The following CDH12 variants were observed in gnomAD, a reference collection of about 807,000 sequenced individuals.
CDH12 encodes cadherin-12.
A neutral mutation model predicts 74.1 loss-of-function variants in CDH12; 41 were observed. The observed-to-expected ratio is 0.55, with a 90% CI of 0.43 to 0.72. The LOEUF is 0.72. CDH12 is among the 30% of genes least tolerant of loss of function. The pLI is 0.00. For missense variants in CDH12, 945 were observed against 977.2 expected (o/e 0.97, Z 0.44); for synonymous variants, 399 against 355.0 (o/e 1.12, Z -1.39).
chr5:21,838,434 C>T (rs1217761363), intron 8 of CDH12, among the ~76,000 whole-genome samples: 1 of 152,090 alleles, frequency 6.6e-6, no homozygotes, highest in East Asian at 1.9e-4. Context: ...GTGGCAGACG[C>T]CTGTAATCCC....
At chr5:22,626,533 TC>T (rs1738307266) in intron 1 of CDH12, among the ~76,000 whole-genome samples, 1 of 152,038 alleles carries the variant, frequency 6.6e-6, no homozygotes, top group African/African-American at 2.4e-5. Context: ...TGACCTAACA[TC>T]CCTTATACCA....
intron 3 of CDH12, among the ~76,000 whole-genome samples, chr5:22,224,240 C>T (rs574950365): frequency 6.6e-6 from 1 of 152,116 alleles, no homozygotes; most frequent in Non-Finnish European, 1.5e-5. Flanking sequence ...CTGTTATGTA[C>T]TTTTCAAAGA....
chr5:22,547,245 A>G (rs1738373784), intron 1 of CDH12, among the ~76,000 whole-genome samples: 2 of 152,174 alleles, frequency 1.3e-5, no homozygotes, highest in East Asian at 1.9e-4. Flanking sequence ...TTCAATATTT[A>G]CTGGATCACT....
chr5:22,626,018 C>T (rs555764068), intron 1 of CDH12, among the ~76,000 whole-genome samples: 15 of 152,178 alleles, frequency 9.9e-5, no homozygotes, highest in African/African-American at 3.1e-4. Flanking sequence ...AGTGTCAGTG[C>T]ATGCCGCCAT....
At chr5:22,704,913 T>C (rs1742909926) in intron 1 of CDH12, among the ~76,000 whole-genome samples, 1 of 151,910 alleles carries the variant, frequency 6.6e-6, no homozygotes, top group African/African-American at 2.4e-5. Context: ...ATACAATGTA[T>C]AAAAAACATA....
intron 5 of CDH12, among the ~76,000 whole-genome samples, chr5:21,986,701 C>T (rs919334804): frequency 3.3e-5 from 5 of 151,970 alleles, no homozygotes; most frequent in African/African-American, 1.2e-4. Flanking sequence ...TTTCAGAATA[C>T]TATATAAATG....
chr5:22,807,170 T>C (rs1748861198), intron 1 of CDH12, among the ~76,000 whole-genome samples: 1 of 152,180 alleles, frequency 6.6e-6, no homozygotes, highest in South Asian at 2.1e-4. Context: ...CAAAATTATA[T>C]AGAGCAACAT....
At chr5:22,329,189 A>G (rs369803259) in intron 3 of CDH12, among the ~76,000 whole-genome samples, 28 of 152,226 alleles carry the variant, frequency 1.8e-4, no homozygotes, top group African/African-American at 5.5e-4. Flanking sequence ...ACATGGTTAA[A>G]TAGAATGTAG....
intron 4 of CDH12, among the ~76,000 whole-genome samples, chr5:22,183,756 T>A (rs1285464799): frequency 6.6e-6 from 1 of 152,116 alleles, no homozygotes; most frequent in African/African-American, 2.4e-5. Context: ...TCTTACGAGC[T>A]AAACAGAATT....
intron 1 of CDH12, among the ~76,000 whole-genome samples, chr5:22,522,499 G>A (rs1048037690): frequency 1.1e-4 from 16 of 152,022 alleles, no homozygotes; most frequent in African/African-American, 3.1e-4. Flanking sequence ...ATAGCTAGTC[G>A]GATTCTCTGT....
At chr5:22,505,176 T>C (rs970075814) in intron 2 of CDH12, 94 bp downstream of exon 2, 33 of 224,450 alleles carry the variant, frequency 1.5e-4, no homozygotes, top group South Asian at 3.2e-4. Flanking sequence ...CTAATAAATT[T>C]TTTTAAGTAA....
intron 5 of CDH12, among the ~76,000 whole-genome samples, chr5:22,046,650 A>G (rs1739980243): frequency 6.6e-6 from 1 of 152,078 alleles, no homozygotes; most frequent in African/African-American, 2.4e-5. Context: ...ATATATAAAA[A>G]GCAGCATGAT....
chr5:21,840,640 A>G (rs1220795723), intron 8 of CDH12, among the ~76,000 whole-genome samples: 1 of 151,960 alleles, frequency 6.6e-6, no homozygotes, highest in Non-Finnish European at 1.5e-5. Context: ...ACAGCATGGT[A>G]CTGGTACCAA....
In CDH12 at chr5:22,499,515, T is replaced by C. The variant is rs1747248109; in HGVS notation, c.-428+5755A>G. Among the ~76,000 whole-genome samples, 4 of 152,250 alleles carry C rather than the reference T, an allele frequency of 2.6e-5. No individual in the cohort carries two copies. The South Asian group carries it at 8.3e-4, about 32-fold the overall frequency. ...TCAAGAAAAACGAAGTGCAATGCTA[T>C]ACAATGTAACAAAGTTGATATACTT... On this transcript the variant is annotated intron_variant, in intron 2 of 14. Coordinates refer to ENST00000382254, the MANE Select transcript of CDH12 (RefSeq NM_004061.5).
At chr5:22,403,131 C>T (rs929907913) in intron 3 of CDH12, among the ~76,000 whole-genome samples, 4 of 152,156 alleles carry the variant, frequency 2.6e-5, no homozygotes, top group African/African-American at 9.7e-5. Context: ...TGCATTCTCC[C>T]AGAAAGGACC....
chr5:22,703,503 TC>T (rs1348707075), intron 1 of CDH12, among the ~76,000 whole-genome samples: 2 of 152,112 alleles, frequency 1.3e-5, no homozygotes, highest in Non-Finnish European at 2.9e-5. Context: ...AGCACCTTTT[TC>T]CCCCAAAATG....
chr5:21,941,072 TGTAATTTG>T lies in CDH12; in HGVS notation c.526+34011_526+34018del, dbSNP rs1755308841. Among the ~76,000 whole-genome samples, 3 of 152,176 alleles carry T rather than the reference TGTAATTTG, an allele frequency of 2.0e-5. No homozygotes were observed. The South Asian group carries it at 6.2e-4, about 32-fold the overall frequency. ...CTTCAAAAGGAACTGAAAATCTAAATGTAATTTGGTACACCTTTTAAAATATTCACTGC... is the reference window on the plus strand; with the variant it reads ...CTTCAAAAGGAACTGAAAATCTAAATGTACACCTTTTAAAATATTCACTGC... On this transcript the variant is annotated intron_variant, in intron 6 of 14. Coordinates refer to ENST00000382254, the MANE Select transcript of CDH12 (RefSeq NM_004061.5).
chr5:21,753,002 A>C (rs1414771002), intron 14 of CDH12, among the ~76,000 whole-genome samples: 1 of 152,166 alleles, frequency 6.6e-6, no homozygotes, highest in African/African-American at 2.4e-5. Flanking sequence ...TATTATCAAA[A>C]TCTCTCTTTA....
At chr5:22,383,133 G>C (rs962389791) in intron 3 of CDH12, among the ~76,000 whole-genome samples, 3 of 152,048 alleles carry the variant, frequency 2.0e-5, no homozygotes, top group Non-Finnish European at 4.4e-5. Flanking sequence ...GCCCAGTCTC[G>C]TATTCAAATT....
Sources: allele counts gnomAD v4.1 joint callset (sites outside exome capture counted in the v4.1 genomes callset), GRCh38; gene constraint gnomAD v4.1.1; transcripts MANE v1.5; gene names NCBI Gene and HGNC (gene_info 2026-07-23, HGNC 2026-07-21).